RAB4B: variants seen among roughly 807,000 people sequenced by gnomAD.
The protein encoded by RAB4B is ras-related protein Rab-4B.
A neutral mutation model predicts 28.3 loss-of-function variants in RAB4B; 15 were observed. The ratio of observed to expected loss-of-function variants is 0.53; its 90% CI spans 0.35 to 0.82. The LOEUF (loss-of-function observed/expected upper bound fraction) is 0.82, where lower values mean the gene tolerates loss of function less well. Ranked by LOEUF, RAB4B falls within the 40% of genes least tolerant of loss-of-function variation. The pLI is 0.01. For synonymous variants in RAB4B, 108 were observed against 116.3 expected (o/e 0.93, Z 0.46); for missense variants, 244 against 288.5 (o/e 0.85, Z 1.12).
intron 7 of RAB4B, among the ~76,000 whole-genome samples, chr19:40,795,509 C>T (rs979001110): frequency 2.0e-4 from 30 of 151,922 alleles, no homozygotes; most frequent in Non-Finnish European, 2.9e-4. Flanking sequence ...AAGTGATTCT[C>T]CTGCCTCAGC....
chr19:40,782,936 C>G, intron 3 of RAB4B, among the ~76,000 whole-genome samples: 1 of 151,936 alleles, frequency 6.6e-6, no homozygotes, highest in East Asian at 1.9e-4. Context: ...CTCAGGGGTT[C>G]GAGATCAGAC....
intron 1 of RAB4B, 83 bp downstream of exon 1, chr19:40,778,474 T>G: frequency 7.6e-7 from 1 of 1,312,862 alleles, no homozygotes; most frequent in Non-Finnish European, 9.9e-7. Flanking sequence ...GCTTTGTAGA[T>G]CAGGGGGCGG....
chr19:40,791,190 A>C (rs2083156180), intron 7 of RAB4B, among the ~76,000 whole-genome samples: 4 of 151,822 alleles, frequency 2.6e-5, no homozygotes, highest in African/African-American at 9.7e-5. Context: ...GGGTTTTGCC[A>C]TGCTCGTGAG....
At chr19:40,795,899 G>T (rs775073725) in intron 7 of RAB4B, among the ~76,000 whole-genome samples, 6 of 150,684 alleles carry the variant, frequency 4.0e-5, no homozygotes, top group Non-Finnish European at 8.8e-5. Flanking sequence ...TGGAGATGAG[G>T]TTTCTCCATG....
intron 3 of RAB4B, among the ~76,000 whole-genome samples, chr19:40,781,471 G>A (rs998031957): frequency 3.0e-4 from 45 of 152,036 alleles, no homozygotes; most frequent in African/African-American, 1.1e-3. Context: ...GGGTGAGCAT[G>A]AGAGCCACAG....
chr19:40,783,927 GA>G lies in RAB4B; in HGVS notation c.283del (p.Thr95HisfsTer9). 1 of 1,609,884 alleles carries G rather than the reference GA, an allele frequency of 6.2e-7. No individual in the cohort carries two copies. The highest frequency in any genetic ancestry group is 8.5e-7 in the Non-Finnish European group (1 of 1,176,894). Reference sequence around the variant, plus strand: ...CCTTCTCCCTTCTCCACAGCCGGGAGACATACAACTCACTGGCTGCCTGGCT... The same window carrying G: ...CCTTCTCCCTTCTCCACAGCCGGGAGCATACAACTCACTGGCTGCCTGGCT... ...LLVYDITSRE[T>X]YNSLAAWLTD... On this transcript the variant is annotated frameshift_variant, in exon 5 of 8. Transcript: ENST00000357052. LOFTEE classifies it high-confidence loss of function.
chr19:40,781,018 A>G (rs1447033045), intron 3 of RAB4B, among the ~76,000 whole-genome samples: 1 of 150,998 alleles, frequency 6.6e-6, no homozygotes. Flanking sequence ...GCTTACACCT[A>G]TAATCCCAGC....
intron 7 of RAB4B, among the ~76,000 whole-genome samples, chr19:40,793,161 C>T (rs73047073): frequency 0.14 from 20,887 of 152,062 alleles, 1,642 homozygotes; most frequent in Middle Eastern, 0.2. Flanking sequence ...ATTAAGCAGT[C>T]ACTCTCCATT....
chr19:40,788,024 C>G (rs1304641674), intron 7 of RAB4B, among the ~76,000 whole-genome samples: 1 of 150,074 alleles, frequency 6.7e-6, no homozygotes, highest in Non-Finnish European at 1.5e-5. Flanking sequence ...CCACCTGCAG[C>G]CCCAGGCCAG....
chr19:40,786,675 C>T lies in RAB4B; in HGVS notation c.441C>T (p.Phe147=), dbSNP rs1190438468. Residue 147 remains phenylalanine, a synonymous_variant, in exon 6 of 8, where the codon TTC becomes TTT. Transcript: ENST00000357052. The part of the protein sequence containing the change: ...SRFAQENELM[F]LETSALTGEN... ...TGTGTGCCCCTGCAGAGCTGATGTT[C>T]CTGGAGACCAGCGCTCTCACAGGCG... 2 of 1,613,894 alleles carry T rather than the reference C, an allele frequency of 1.2e-6. No homozygotes were observed. Among genetic ancestry groups the T allele is most frequent in the Admixed American group, 1.7e-5 (1 of 59,992 alleles).
intron 5 of RAB4B, among the ~76,000 whole-genome samples, chr19:40,784,859 G>A (rs986138271): frequency 1.4e-5 from 2 of 141,334 alleles, no homozygotes. Context: ...TTTTTTTTCT[G>A]AGACGGAGTC....
intron 2 of RAB4B, 125 bp from the exon 3 acceptor site, chr19:40,780,260 T>C: frequency 7.0e-7 from 1 of 1,430,678 alleles, no homozygotes; most frequent in Non-Finnish European, 9.4e-7. Context: ...AGGTTCTCCT[T>C]GACCTCAAGT....
chr19:40,791,107 G>A (rs559390552), intron 7 of RAB4B, among the ~76,000 whole-genome samples: 22 of 152,068 alleles, frequency 1.4e-4, no homozygotes, highest in Non-Finnish European at 2.5e-4. Context: ...CACCTGCCTC[G>A]GCCTCCCAAA....
At chr19:40,782,844 A>G (rs545903560) in intron 3 of RAB4B, among the ~76,000 whole-genome samples, 1 of 104,556 alleles carries the variant, frequency 9.6e-6, no homozygotes, top group Admixed American at 1.0e-4. Flanking sequence ...ATCAATCAAT[A>G]AAAGACATGT....
chr19:40,783,642 G>A (rs544889173), intron 3 of RAB4B, 136 bp from the exon 4 acceptor site: 6 of 748,014 alleles, frequency 8.0e-6, no homozygotes, highest in Non-Finnish European at 1.2e-5. Flanking sequence ...ATGGTGACCC[G>A]ACCAAGGCCA....
Position 40,787,134 on chromosome 19 carries a change from G to A in RAB4B, c.*15+156G>A, listed in dbSNP as rs530071699. 2.0e-5 allele frequency among the ~76,000 whole-genome samples: 3 copies of A among 152,262 alleles called. No individual in the cohort carries two copies. In the East Asian group the frequency reaches 5.8e-4, roughly 29 times the overall value. On this transcript the variant is annotated intron_variant, in intron 7 of 7. Coordinates refer to ENST00000357052, the MANE Select transcript of RAB4B (RefSeq NM_016154.5). ...AAGGAGGCATCTGGCTGGGCGCAGT[G>A]GCTCACGCCTGTAATCTTAGCACTT... is the stretch of plus-strand genomic sequence containing the variant.
intron 7 of RAB4B, among the ~76,000 whole-genome samples, chr19:40,787,961 C>CAAAAAAAAA (rs56997006): frequency 1.4e-5 from 1 of 69,468 alleles, no homozygotes; most frequent in Non-Finnish European, 2.7e-5. Context: ...GACTCTGTCT[C>CAAAAAAAAA]AAAAAAAAAA....
chr19:40,782,797 A>G (rs1247019677), intron 3 of RAB4B, among the ~76,000 whole-genome samples: 2 of 148,244 alleles, frequency 1.3e-5, no homozygotes, highest in Non-Finnish European at 3.0e-5. Flanking sequence ...TGGGCGACAG[A>G]GCAAAACTCC....
Position 40,786,725 on chromosome 19 carries a change from A to C in RAB4B, c.491A>C (p.Lys164Thr). Reference protein sequence around the residue: ...TGENVEEAFLKCARTILNKID... With the variant: ...TGENVEEAFLTCARTILNKID... ...GAGAACGTGGAGGAGGCGTTCCTCA[A>C]GTGTGCCCGCACTATCCTCAACAAG... Residue 164 changes from lysine (K) to threonine (T), a missense_variant, in exon 6 of 8, where the codon AAG (lysine) becomes ACG (threonine). Lys to Thr is a moderately conservative substitution (Grantham distance 78, BLOSUM62 -1). Coordinates refer to ENST00000357052, the MANE Select transcript of RAB4B (RefSeq NM_016154.5). 6.2e-7 allele frequency: 1 copy of C among 1,614,056 alleles called. No homozygotes were observed. Among genetic ancestry groups the C allele is most frequent in the Non-Finnish European group, 8.5e-7 (1 of 1,179,982 alleles).
Sources: allele counts gnomAD v4.1 joint callset (sites outside exome capture counted in the v4.1 genomes callset), GRCh38; gene constraint gnomAD v4.1.1; transcripts MANE v1.5; gene names NCBI Gene and HGNC (gene_info 2026-07-23, HGNC 2026-07-21).